SLC9A9: variants seen among roughly 807,000 people sequenced by gnomAD.
SLC9A9 encodes the protein sodium/hydrogen exchanger 9.
SLC9A9 carries 62 observed loss-of-function variants against 77.8 expected under a neutral mutation model. That is an observed-to-expected ratio of 0.80 (90% confidence interval 0.65 to 0.98). The LOEUF is 0.98. Ranked by LOEUF, SLC9A9 falls within the 50% of genes least tolerant of loss-of-function variation. The probability of loss-of-function intolerance (pLI) is 0.00; values close to 1 mark genes in which losing one functional copy is unlikely to be tolerated. For missense variants in SLC9A9, 775 were observed against 774.9 expected, an observed-to-expected ratio of 1.00 and a Z score of 0.00; for synonymous variants, 320 against 283.5, an observed-to-expected ratio of 1.13 and a Z score of -1.29.
chr3:143,586,648 A>T (rs2037546313), intron 6 of SLC9A9, among the ~76,000 whole-genome samples: 5 of 152,214 alleles, frequency 3.3e-5, no homozygotes, highest in Admixed American at 3.3e-4. Context: ...ATTATGAATA[A>T]GGAATTGATT....
intron 10 of SLC9A9, among the ~76,000 whole-genome samples, chr3:143,494,835 A>T (rs2035806407): frequency 1.3e-5 from 2 of 152,238 alleles, no homozygotes; most frequent in African/African-American, 4.8e-5. Flanking sequence ...AACAATGCTT[A>T]TGATGTTGAA....
chr3:143,552,769 ATAG>A (rs2036915036), intron 8 of SLC9A9, among the ~76,000 whole-genome samples: 1 of 152,228 alleles, frequency 6.6e-6, no homozygotes, highest in South Asian at 2.1e-4. Flanking sequence ...AAAAGACTCC[ATAG>A]CCAACCCTGG....
rs936901844 is a variant in SLC9A9, at chr3:143,277,449, G to C, written c.1605-8469C>G. Among the ~76,000 whole-genome samples, 7 of 152,178 alleles carry C rather than the reference G, an allele frequency of 4.6e-5. No individual in the cohort carries two copies. The East Asian group carries it at 9.6e-4, about 21-fold the overall frequency. On this transcript the variant is annotated intron_variant, in intron 14 of 15. Coordinates refer to ENST00000316549, the MANE Select transcript of SLC9A9 (RefSeq NM_173653.4). ...GGAGCAGAATGGTATCTGGTCTCTT[G>C]AAAGGCTCTGAGTTGGGAAGTGTTG...
At chr3:143,718,074 T>A (rs1934399908) in intron 4 of SLC9A9, among the ~76,000 whole-genome samples, 1 of 142,592 alleles carries the variant, frequency 7.0e-6, no homozygotes. Flanking sequence ...ATCAAATAGG[T>A]AATGTGGAGT....
chr3:143,426,154 A>G (rs1192295919), intron 12 of SLC9A9, among the ~76,000 whole-genome samples: 1 of 152,202 alleles, frequency 6.6e-6, no homozygotes, highest in Non-Finnish European at 1.5e-5. Flanking sequence ...CAATTTTCCC[A>G]TTTAAACTTC....
At chr3:143,551,982 A>G (rs2036895950) in intron 9 of SLC9A9, among the ~76,000 whole-genome samples, 1 of 152,220 alleles carries the variant, frequency 6.6e-6, no homozygotes, top group South Asian at 2.1e-4. Context: ...ACCCAATTAA[A>G]GACCAAACCT....
intron 6 of SLC9A9, among the ~76,000 whole-genome samples, chr3:143,620,991 C>T (rs1369936518): frequency 1.3e-5 from 2 of 152,172 alleles, no homozygotes; most frequent in Admixed American, 6.5e-5. Flanking sequence ...CTCAGAGGGT[C>T]CTATGCCCAT....
chr3:143,749,132 A>C (rs1935274203), intron 4 of SLC9A9, among the ~76,000 whole-genome samples: 2 of 152,316 alleles, frequency 1.3e-5, no homozygotes, highest in South Asian at 4.1e-4. Flanking sequence ...AAACATTATA[A>C]ACACATGGTT....
chr3:143,498,248 A>G (rs1435055774), intron 9 of SLC9A9, among the ~76,000 whole-genome samples: 2 of 152,228 alleles, frequency 1.3e-5, no homozygotes, highest in Non-Finnish European at 2.9e-5. Flanking sequence ...ACTCTTTTAA[A>G]TTAATGTGGA....
intron 9 of SLC9A9, among the ~76,000 whole-genome samples, chr3:143,500,100 T>A (rs2035901287): frequency 6.6e-6 from 1 of 152,300 alleles, no homozygotes; most frequent in East Asian, 1.9e-4. Context: ...CTTAGGAAAA[T>A]TCTAGGCTTG....
In SLC9A9 at chr3:143,764,971, T is replaced by TTTCCTTCCTTCC. The variant is rs139347757; in HGVS notation, c.533+30018_533+30029dup. Among the ~76,000 whole-genome samples the TTTCCTTCCTTCC allele has an allele frequency of 5.9e-4, 87 of 147,352 alleles. 3 individuals carry two copies. In the Middle Eastern group the frequency reaches 0.01, roughly 18 times the overall value. ...CTTCCTTCCTTTTTGTTTCTCTTTC[T>TTTCCTTCCTTCC]TTCCTTCCTTCCTTCCTTCCTTCCT... On this transcript the variant is annotated intron_variant, in intron 4 of 15. Coordinates refer to ENST00000316549, the MANE Select transcript of SLC9A9 (RefSeq NM_173653.4).
intron 12 of SLC9A9, among the ~76,000 whole-genome samples, chr3:143,394,271 A>G (rs2033643972): frequency 6.6e-6 from 1 of 152,230 alleles, no homozygotes; most frequent in African/African-American, 2.4e-5. Context: ...AGTGGGCTTC[A>G]TCCCTGGGAT....
intron 11 of SLC9A9, among the ~76,000 whole-genome samples, chr3:143,469,230 A>G (rs2035336767): frequency 6.6e-6 from 1 of 152,214 alleles, no homozygotes; most frequent in Admixed American, 6.5e-5. Flanking sequence ...ACTAATAAAA[A>G]TAGAAATATA....
At chr3:143,666,911 G>T (rs2039079130) in intron 5 of SLC9A9, among the ~76,000 whole-genome samples, 1 of 152,152 alleles carries the variant, frequency 6.6e-6, no homozygotes, top group South Asian at 2.1e-4. Context: ...ACTGCCCAAG[G>T]TAATTTACAG....
chr3:143,655,707 C>A (rs2038877872), intron 5 of SLC9A9: 3 of 856,140 alleles, frequency 3.5e-6, no homozygotes, highest in Non-Finnish European at 4.2e-6. Flanking sequence ...CACACACACA[C>A]ACACAAACAC....
Position 143,773,496 on chromosome 3 carries a change from T to A in SLC9A9, c.533+21505A>T, listed in dbSNP as rs189669239. 8.1e-4 allele frequency among the ~76,000 whole-genome samples: 123 copies of A among 152,066 alleles called. 1 individual carries two copies. The Middle Eastern group carries it at 0.01, about 13-fold the overall frequency. On this transcript the variant is annotated intron_variant, in intron 4 of 15. Transcript: ENST00000316549. ...TCTAATTTTTACTTTTTCTTTTTTT[T>A]TTTTTGAAATGGGGTTTTGCTTTTG...
chr3:143,724,460 GTCT>G, intron 4 of SLC9A9, among the ~76,000 whole-genome samples: 1 of 152,290 alleles, frequency 6.6e-6, no homozygotes, highest in East Asian at 1.9e-4. Flanking sequence ...TAACACACAT[GTCT>G]TCATTGCCCA....
intron 9 of SLC9A9, among the ~76,000 whole-genome samples, chr3:143,497,622 GT>G (rs1194860663): frequency 6.6e-6 from 1 of 152,174 alleles, no homozygotes; most frequent in Non-Finnish European, 1.5e-5. Context: ...AGAGAAGCCA[GT>G]TCCTGATAAC....
At chr3:143,532,122 C>A (rs746212627) in intron 9 of SLC9A9, among the ~76,000 whole-genome samples, 2 of 152,174 alleles carry the variant, frequency 1.3e-5, no homozygotes, top group Non-Finnish European at 2.9e-5. Flanking sequence ...CTAAATATTT[C>A]TAAAATCCTC....
Sources: allele counts gnomAD v4.1 joint callset (sites outside exome capture counted in the v4.1 genomes callset), GRCh38; gene constraint gnomAD v4.1.1; transcripts MANE v1.5; gene names NCBI Gene and HGNC (gene_info 2026-07-23, HGNC 2026-07-21).